ACAD9: variants seen among roughly 807,000 people sequenced by gnomAD.
The protein encoded by ACAD9 is acyl-CoA dehydrogenase family member 9.
Under a neutral mutation model 70.2 loss-of-function variants are expected in ACAD9, and 53 were observed. The ratio of observed to expected loss-of-function variants is 0.75; its 90% CI spans 0.61 to 0.95. ACAD9 has a LOEUF of 0.95. Ranked by LOEUF, ACAD9 falls within the 40% of genes least tolerant of loss-of-function variation. The pLI, the probability that ACAD9 is intolerant of heterozygous loss-of-function variation, is 0.00. For missense variants in ACAD9, 777 were observed against 802.8 expected (o/e 0.97, Z 0.39); for synonymous variants, 313 against 312.1 (o/e 1.00, Z -0.03).
intron 2 of ACAD9, among the ~76,000 whole-genome samples, chr3:128,886,015 T>C (rs558221052): frequency 1.4e-5 from 2 of 141,028 alleles, no homozygotes; most frequent in Admixed American, 1.4e-4. Flanking sequence ...TGACTTTGTC[T>C]AAAAAAAAAA....
At chr3:128,906,347 G>A in intron 12 of ACAD9, 98 bp downstream of exon 12, 3 of 1,571,024 alleles carry the variant, frequency 1.9e-6, no homozygotes, top group Admixed American at 1.8e-5. Context: ...CGCAGCCCAG[G>A]GCTGGGTCGC....
intron 2 of ACAD9, among the ~76,000 whole-genome samples, chr3:128,891,338 C>T (rs755268838): frequency 6.6e-6 from 1 of 152,080 alleles, no homozygotes; most frequent in East Asian, 1.9e-4. Flanking sequence ...AGAAAAGTTT[C>T]AGCCAGGCAT....
chr3:128,904,210 G>C, intron 10 of ACAD9, 78 bp downstream of exon 10: 1 of 1,579,966 alleles, frequency 6.3e-7, no homozygotes, highest in South Asian at 1.1e-5. Flanking sequence ...TCTCTGTACT[G>C]GTGACTTCTG....
chr3:128,901,434 T>C lies in ACAD9; in HGVS notation c.882+85T>C, dbSNP rs970946778. 13 of 1,420,930 alleles carry C rather than the reference T, an allele frequency of 9.1e-6. No homozygotes were observed. In the African/African-American group the frequency reaches 1.8e-4, roughly 20 times the overall value. 88.0% of individuals were successfully genotyped at this position (1,420,930 alleles called of 1,614,324 possible). A position where few individuals can be genotyped will look rare whatever the true frequency, so the allele number is the denominator to read the frequency against. On this transcript the variant is annotated intron_variant, in intron 8 of 17. Transcript: ENST00000308982. ...CCAGCTTTTGCCCTATCCCTGCTCG[T>C]AGCAGAGTAGCCTGTGCATGGCAGG...
intron 7 of ACAD9, among the ~76,000 whole-genome samples, chr3:128,900,413 AT>A (rs1416376517): frequency 6.7e-6 from 1 of 149,926 alleles, no homozygotes; most frequent in South Asian, 2.1e-4. Flanking sequence ...AATTTTTTCT[AT>A]TTTTTAGTGG....
In ACAD9 at chr3:128,902,845, G is replaced by A. The variant is rs1006063127; in HGVS notation, c.958+217G>A. Among the ~76,000 whole-genome samples, 3 of 152,274 alleles carry A rather than the reference G, an allele frequency of 2.0e-5. No homozygotes were observed. The highest frequency in any genetic ancestry group is 4.8e-5 in the African/African-American group (2 of 41,564). The stretch of plus-strand genomic sequence containing the variant: ...GCATTCCTCTGTTTCACCTCCACCC[G>A]GGTGATGCTGACTGGGGGACAGGCT... On this transcript the variant is annotated intron_variant, in intron 9 of 17. Coordinates refer to ENST00000308982, the MANE Select transcript of ACAD9 (RefSeq NM_014049.5). This position sits in a 1 kb window ranked among gnomAD's most constrained non-coding sequence, Gnocchi z 4.0.
chr3:128,910,387 C>G (rs1241450166), intron 16 of ACAD9: 3 of 1,443,216 alleles, frequency 2.1e-6, no homozygotes, highest in Non-Finnish European at 2.7e-6. Flanking sequence ...GCCCCTACCC[C>G]CAGCAAGGGA....
intron 10 of ACAD9, 81 bp downstream of exon 10, chr3:128,904,213 G>A: frequency 6.3e-7 from 1 of 1,582,964 alleles, no homozygotes; most frequent in Non-Finnish European, 8.7e-7. Context: ...CTGTACTGGT[G>A]ACTTCTGTGG....
Position 128,879,634 on chromosome 3 carries a change from T to C in ACAD9, c.-58T>C, listed in dbSNP as rs1935023822. 1.3e-6 allele frequency: 2 copies of C among 1,599,858 alleles called. No individual in the cohort carries two copies. The highest frequency in any genetic ancestry group is 1.7e-6 in the Non-Finnish European group (2 of 1,169,972). ...CCAGTAACGTCATCAGACGTGTGTG[T>C]GTCCCTGCGGCGCTAAGAAGGGGAG... On this transcript the variant is annotated 5_prime_UTR_variant, in exon 1 of 18. Transcript: ENST00000308982.
At chr3:128,908,719 C>T (rs1421588063) in intron 13 of ACAD9, 3 of 588,118 alleles carry the variant, frequency 5.1e-6, no homozygotes, top group Non-Finnish European at 9.0e-6. Flanking sequence ...ATTTTGTCTC[C>T]TTCACAGGAG....
intron 6 of ACAD9, chr3:128,898,644 C>A: frequency 3.4e-6 from 1 of 294,820 alleles, no homozygotes; most frequent in Non-Finnish European, 6.6e-6. Context: ...AAGTGGTCTG[C>A]CCACCTCGGC....
In ACAD9 at chr3:128,906,208, G is replaced by A. The variant is rs149753643; in HGVS notation, c.1237G>A (p.Glu413Lys). 9.9e-6 allele frequency: 16 copies of A among 1,614,192 alleles called. No homozygotes were observed. The highest frequency in any genetic ancestry group is 1.7e-5 in the Admixed American group (1 of 60,034). The part of the protein sequence containing the change: ...GLGYTRDYPY[E>K]RILRDTRILL... ...GGGCTACACAAGGGACTATCCGTAC[G>A]AGCGCATACTGCGTGACACCCGCAT... Residue 413 changes from glutamate to lysine, a missense_variant, in exon 12 of 18, where the codon GAG becomes AAG. Transcript: ENST00000308982.
chr3:128,906,929 A>G (rs1935909501), intron 12 of ACAD9, among the ~76,000 whole-genome samples: 1 of 152,170 alleles, frequency 6.6e-6, no homozygotes, highest in Non-Finnish European at 1.5e-5. Context: ...ATTTGGTTGT[A>G]TCTGTGTTGT....
At chr3:128,881,761 A>T (rs1221033802) in intron 1 of ACAD9, among the ~76,000 whole-genome samples, 4 of 152,178 alleles carry the variant, frequency 2.6e-5, no homozygotes, top group Admixed American at 2.6e-4. Flanking sequence ...TGTTCTCGCC[A>T]TTCTCTGAAT....
intron 4 of ACAD9, 141 bp from the exon 5 acceptor site, chr3:128,896,295 G>C (rs951981530): frequency 4.0e-5 from 37 of 924,446 alleles, no homozygotes; most frequent in East Asian, 1.6e-4. Flanking sequence ...CCTGGGCTCT[G>C]CCTGTGGCCG....
chr3:128,897,544 A>G, intron 5 of ACAD9, 88 bp from the exon 6 acceptor site: 2 of 1,244,440 alleles, frequency 1.6e-6, no homozygotes, highest in Non-Finnish European at 2.3e-6. Flanking sequence ...ACCTCTTACA[A>G]GTACTAAAAC....
Position 128,912,604 on chromosome 3 carries a change from C to G in ACAD9, c.1863C>G (p.Cys621Trp). 6.2e-7 allele frequency: 1 copy of G among 1,613,918 alleles called. No homozygotes were observed. The highest frequency in any genetic ancestry group is 8.5e-7 in the Non-Finnish European group (1 of 1,179,786). ...YICAHPLDRT[C>W] ...GTGCCCACCCTCTGGACAGGACATG[C>G]TGAGGCAGGGGACAGTGTCCCCTGC... The change falls in exon 18 of 18, where the codon TGC (cysteine) becomes TGG (tryptophan). Residue 621 changes from cysteine (C) to tryptophan (W), a missense_variant. Coordinates refer to ENST00000308982, the MANE Select transcript of ACAD9 (RefSeq NM_014049.5).
intron 9 of ACAD9, among the ~76,000 whole-genome samples, chr3:128,903,371 C>A (rs1375164311): frequency 6.6e-6 from 1 of 152,208 alleles, no homozygotes; most frequent in Non-Finnish European, 1.5e-5. Context: ...AAAATGAAAG[C>A]TGTCAGGCTC....
rs1165812998 is a variant in ACAD9 at position 128,891,240 on chromosome 3, A to G, written c.245-2315A>G. Among the ~76,000 whole-genome samples, 3 of 152,236 alleles carry G rather than the reference A, an allele frequency of 2.0e-5. No homozygotes were observed. In the East Asian group the frequency reaches 5.8e-4, roughly 29 times the overall value. On this transcript the variant is annotated intron_variant, in intron 2 of 17. Transcript: ENST00000308982. ...ATGTAGAGTCAGATTCCCTTTTGCT[A>G]CCATTGCTCTTCTGTGGGAAGGACT...
Sources: allele counts gnomAD v4.1 joint callset (sites outside exome capture counted in the v4.1 genomes callset), GRCh38; gene constraint gnomAD v4.1.1; non-coding constraint Gnocchi (gnomAD v3.1); transcripts MANE v1.5; gene names NCBI Gene and HGNC (gene_info 2026-07-23, HGNC 2026-07-21).